Variants in GRXCR1 observed in about 807,000 individuals in gnomAD.
GRXCR1 encodes glutaredoxin domain-containing cysteine-rich protein 1.
In GRXCR1, 27 loss-of-function variants were observed where a neutral mutation model predicts 27.3. The observed-to-expected ratio is 0.99, with a 90% CI of 0.73 to 1.37. The LOEUF (loss-of-function observed/expected upper bound fraction) is 1.37. Ranked by LOEUF, GRXCR1 falls within the 40% of genes most tolerant of loss-of-function variation. The probability of loss-of-function intolerance (pLI) is 0.00; values close to 1 mark genes in which losing one functional copy is unlikely to be tolerated. For synonymous variants in GRXCR1, 122 were observed against 131.1 expected (o/e 0.93, Z 0.47); for missense variants, 379 against 354.4 (o/e 1.07, Z -0.56).
intron 2 of GRXCR1, among the ~76,000 whole-genome samples, chr4:43,018,500 A>G (rs181091507): frequency 8.3e-4 from 126 of 152,270 alleles, no homozygotes; most frequent in African/African-American, 2.7e-3. Context: ...ATGCTGCAAG[A>G]GTTGTTTGTA....
intron 1 of GRXCR1, among the ~76,000 whole-genome samples, chr4:42,940,291 T>C (rs1394228574): frequency 6.6e-6 from 1 of 152,120 alleles, no homozygotes; most frequent in African/African-American, 2.4e-5. Context: ...TACCAATTTA[T>C]GGCTTCAGTT....
intron 1 of GRXCR1, among the ~76,000 whole-genome samples, chr4:42,955,018 G>C (rs1303615337): frequency 6.6e-6 from 1 of 152,092 alleles, no homozygotes; most frequent in Non-Finnish European, 1.5e-5. Context: ...GAGAGGGAGA[G>C]AGAGCGATAT....
At chr4:42,996,010 A>G (rs560729896) in intron 2 of GRXCR1, among the ~76,000 whole-genome samples, 1 of 152,348 alleles carries the variant, frequency 6.6e-6, no homozygotes, top group East Asian at 1.9e-4. Context: ...AGGTTTCTTC[A>G]TTATGCTACT....
chr4:42,902,254 A>ATATTT (rs1370059099), intron 1 of GRXCR1, among the ~76,000 whole-genome samples: 2 of 152,198 alleles, frequency 1.3e-5, no homozygotes, highest in Non-Finnish European at 2.9e-5. Context: ...AGTAAATATT[A>ATATTT]TACATCAATA....
intron 1 of GRXCR1, among the ~76,000 whole-genome samples, chr4:42,955,367 C>G (rs888927744): frequency 4.6e-5 from 7 of 152,078 alleles, no homozygotes; most frequent in Non-Finnish European, 1.0e-4. Context: ...TAATTCACAA[C>G]CATTATCTCA....
intron 1 of GRXCR1, among the ~76,000 whole-genome samples, chr4:42,918,542 C>T (rs149042028): frequency 7.9e-4 from 121 of 152,216 alleles, no homozygotes; most frequent in Middle Eastern, 3.4e-3. Flanking sequence ...TGCCCCTGTG[C>T]TCTGGGCTGA....
intron 1 of GRXCR1, among the ~76,000 whole-genome samples, chr4:42,936,581 A>T (rs76294419): frequency 0.037 from 5,584 of 152,038 alleles, 135 homozygotes; most frequent in African/African-American, 0.069. Flanking sequence ...ACCAATACTG[A>T]TAAATTATTA....
At chr4:43,007,659 G>T (rs1005875541) in intron 2 of GRXCR1, among the ~76,000 whole-genome samples, 1 of 152,190 alleles carries the variant, frequency 6.6e-6, no homozygotes, top group African/African-American at 2.4e-5. Flanking sequence ...AAATCAACAG[G>T]ACTTACTGAT....
chr4:42,917,096 T>C (rs1746902741), intron 1 of GRXCR1, among the ~76,000 whole-genome samples: 1 of 152,124 alleles, frequency 6.6e-6, no homozygotes, highest in Non-Finnish European at 1.5e-5. Context: ...GATATGAAGA[T>C]GTCTTATGTA....
intron 2 of GRXCR1, among the ~76,000 whole-genome samples, chr4:42,984,653 G>A (rs1711624338): frequency 6.6e-6 from 1 of 152,180 alleles, no homozygotes; most frequent in South Asian, 2.1e-4. Flanking sequence ...AGAAGCCTGG[G>A]GGCTGCTGGG....
intron 2 of GRXCR1, among the ~76,000 whole-genome samples, chr4:42,999,406 C>T (rs1375906565): frequency 6.6e-6 from 1 of 152,248 alleles, no homozygotes; most frequent in African/African-American, 2.4e-5. Context: ...ACTGCACAGC[C>T]TTTCAGGCTT....
intron 1 of GRXCR1, among the ~76,000 whole-genome samples, chr4:42,945,675 C>G (rs1011502331): frequency 1.3e-5 from 2 of 151,998 alleles, no homozygotes; most frequent in African/African-American, 4.8e-5. Context: ...TGAGTGCTAC[C>G]AGGTGGAGGG....
At chr4:42,946,266 G>T (rs982014770) in intron 1 of GRXCR1, among the ~76,000 whole-genome samples, 1 of 142,538 alleles carries the variant, frequency 7.0e-6, no homozygotes. Context: ...AAAGGTCACT[G>T]CAAATGCTTC....
chr4:42,909,414 T>C (rs1000542231), intron 1 of GRXCR1, among the ~76,000 whole-genome samples: 8 of 152,104 alleles, frequency 5.3e-5, no homozygotes, highest in African/African-American at 1.9e-4. Context: ...CTAGAAAGTT[T>C]CTAAGGACAA....
chr4:42,977,923 T>G (rs1449298077), intron 2 of GRXCR1, among the ~76,000 whole-genome samples: 1 of 152,050 alleles, frequency 6.6e-6, no homozygotes, highest in Non-Finnish European at 1.5e-5. Context: ...TGCTAGCAGC[T>G]TCATAGTTTT....
At chr4:42,933,995 C>G (rs1002052323) in intron 1 of GRXCR1, among the ~76,000 whole-genome samples, 1 of 151,840 alleles carries the variant, frequency 6.6e-6, no homozygotes, top group Non-Finnish European at 1.5e-5. Context: ...CAGGCAGAAC[C>G]TGGAGCAGGA....
At chr4:43,009,570 G>A (rs1412935538) in intron 2 of GRXCR1, among the ~76,000 whole-genome samples, 3 of 152,070 alleles carry the variant, frequency 2.0e-5, no homozygotes, top group Non-Finnish European at 4.4e-5. Context: ...TGTGAGACTG[G>A]GGAGTCCAAG....
intron 2 of GRXCR1, among the ~76,000 whole-genome samples, chr4:42,982,854 C>T (rs1297390140): frequency 1.3e-5 from 2 of 151,052 alleles, no homozygotes; most frequent in Non-Finnish European, 3.0e-5. Flanking sequence ...TAAATGTCTT[C>T]TTTTGAGAAG....
intron 1 of GRXCR1, among the ~76,000 whole-genome samples, chr4:42,917,083 A>G (rs1190446997): frequency 6.6e-6 from 1 of 152,124 alleles, no homozygotes; most frequent in African/African-American, 2.4e-5. Context: ...TAAAAAGAAG[A>G]CTGATATGAA....
Sources: gnomAD v4.1 joint callset for allele counts (sites outside exome capture counted in the v4.1 genomes callset) on GRCh38, gnomAD v4.1.1 for gene constraint, MANE v1.5 for transcripts, NCBI Gene and HGNC (gene_info 2026-07-23, HGNC 2026-07-21) for gene names.